DNAH11: variants seen among roughly 807,000 people sequenced by gnomAD.
DNAH11 encodes the protein dynein axonemal heavy chain 11.
Under a neutral mutation model 526.0 loss-of-function variants are expected in DNAH11, and 442 were observed. That is an observed-to-expected ratio of 0.84 (90% confidence interval 0.78 to 0.91). The LOEUF (loss-of-function observed/expected upper bound fraction) is 0.91, where lower values mean the gene tolerates loss of function less well. DNAH11 is among the 40% of genes least tolerant of loss of function. DNAH11 has a pLI of 0.00. For synonymous variants in DNAH11, 2,461 were observed against 1,935.9 expected (o/e 1.27, Z -7.12); for missense variants, 6,989 against 5,448.7 (o/e 1.28, Z -8.90).
chr7:21,815,257 A>C (rs1859104), intron 63 of DNAH11, among the ~76,000 whole-genome samples: 61,284 of 151,518 alleles, frequency 0.4, 13,187 homozygotes, highest in East Asian at 0.82. Flanking sequence ...GAAGGTAACA[A>C]ACTAAAGCAC....
chr7:21,812,419 A>T (rs1265515312), intron 63 of DNAH11, among the ~76,000 whole-genome samples: 1 of 152,094 alleles, frequency 6.6e-6, no homozygotes, highest in African/African-American at 2.4e-5. Flanking sequence ...CACGTCTCCC[A>T]GTGCTTTGGG....
chr7:21,636,442 T>G (rs1373024684), intron 26 of DNAH11, among the ~76,000 whole-genome samples: 1 of 152,164 alleles, frequency 6.6e-6, no homozygotes, highest in African/African-American at 2.4e-5. Flanking sequence ...TTTCACTGAT[T>G]TAAAAAGGTA....
Position 21,873,512 on chromosome 7 carries a change from G to A in DNAH11, c.12195+11G>A, listed in dbSNP as rs369874287. ...TACAACTTTGATCAGGTAAGAAAGC[G>A]AAGCAGGCTAGGCAGACAATGAAGT... On this transcript the variant is annotated intron_variant, in intron 74 of 81. Coordinates refer to ENST00000409508, the MANE Select transcript of DNAH11 (RefSeq NM_001277115.2). The A allele has an allele frequency of 6.3e-5, 102 of 1,612,716 alleles. No individual in the cohort carries two copies. In the African/African-American group the frequency reaches 9.3e-4, roughly 15 times the overall value.
chr7:21,727,065 C>T (rs1323445838), intron 45 of DNAH11, among the ~76,000 whole-genome samples: 1 of 148,340 alleles, frequency 6.7e-6, no homozygotes, highest in Non-Finnish European at 1.5e-5. Context: ...TCCCAAGTAG[C>T]TGGAACTACA....
chr7:21,570,229 C>A lies in DNAH11; in HGVS notation c.1355C>A (p.Pro452Gln). Residue 452 changes from proline to glutamine, a missense_variant, in exon 7 of 82, where the codon CCA becomes CAA. By Grantham distance (76) the Pro-to-Gln change is moderately conservative. Coordinates refer to ENST00000409508, the MANE Select transcript of DNAH11 (RefSeq NM_001277115.2). Reference sequence around the variant, plus strand: ...TACTTTATGGGAAGAAAGCTGAGACCATGGGATTTCCAGTCTCATCTGGTG... The same window carrying A: ...TACTTTATGGGAAGAAAGCTGAGACAATGGGATTTCCAGTCTCATCTGGTG... ...ASYFMGRKLR[P>Q]WDFQSHLVFC... 1 of 1,613,314 alleles carries A rather than the reference C, an allele frequency of 6.2e-7. No homozygotes were observed. The highest frequency in any genetic ancestry group is 8.5e-7 in the Non-Finnish European group (1 of 1,179,690).
At chr7:21,587,241 G>A (rs984475531) in intron 9 of DNAH11, among the ~76,000 whole-genome samples, 7 of 152,108 alleles carry the variant, frequency 4.6e-5, no homozygotes, top group East Asian at 3.9e-4. Context: ...TGTGAACACC[G>A]GCAGTGAAGG....
chr7:21,591,262 G>A lies in DNAH11; in HGVS notation c.2352G>A (p.Leu784=), dbSNP rs1465890970. 1 of 1,607,678 alleles carries A rather than the reference G, an allele frequency of 6.2e-7. No homozygotes were observed. Among genetic ancestry groups the A allele is most frequent in the Non-Finnish European group, 8.5e-7 (1 of 1,176,554 alleles). Residue 784 remains leucine (L), a synonymous_variant, in exon 14 of 82, where the codon CTG becomes CTA. Transcript: ENST00000409508. ...CGCTCCTGGAAGTTGAATACCCTCT[G>A]ATTGAAGATGAGCTGAGGGCTATTG... ...KQTLLEVEYP[L]IEDELRAIDE... is the part of the protein sequence containing the mutation.
intron 14 of DNAH11, among the ~76,000 whole-genome samples, chr7:21,593,515 G>A (rs771916586): frequency 6.6e-5 from 10 of 152,100 alleles, no homozygotes; most frequent in African/African-American, 1.2e-4. Context: ...ATGTTTGTAT[G>A]TTAACTGCAG....
chr7:21,750,012 C>A (rs761181220), intron 53 of DNAH11, among the ~76,000 whole-genome samples: 11 of 152,132 alleles, frequency 7.2e-5, no homozygotes, highest in Non-Finnish European at 1.3e-4. Context: ...GTTATTCTTA[C>A]ACGTACGGGT....
rs780256359 is a variant in DNAH11, at chr7:21,854,411, A to T, written c.11158A>T (p.Asn3720Tyr). 2.5e-5 allele frequency: 40 copies of T among 1,613,874 alleles called. 1 individual carries two copies. The South Asian group carries it at 4.4e-4, about 18-fold the overall frequency. The change falls in exon 68 of 82, where the codon AAT becomes TAT. Residue 3720 changes from asparagine (N) to tyrosine (Y), a missense_variant. By Grantham distance (143) the Asn-to-Tyr change is moderately radical. Transcript: ENST00000409508. Reference protein sequence around the residue: ...ARASLLYFVINDLQKINPLYQ... With the variant: ...ARASLLYFVIYDLQKINPLYQ... The stretch of plus-strand genomic sequence containing the variant: ...AGCATCTCTTCTTTATTTTGTTATT[A>T]ATGACCTCCAAAAAATCAACCCCCT...
rs905167931 is a variant in DNAH11, at chr7:21,704,448, A to G, written c.6288A>G (p.Ala2096=). 4 of 1,613,310 alleles carry G rather than the reference A, an allele frequency of 2.5e-6. No individual in the cohort carries two copies. The highest frequency in any genetic ancestry group is 1.7e-5 in the Admixed American group (1 of 59,914). ...TTTTTTTCTAGGTACTCATGAGAGC[A>G]TTAAGGGATTTCAATATGCCCAAAA... is the stretch of plus-strand genomic sequence containing the variant. The part of the protein sequence containing the change: ...NRPEDQVLMR[A]LRDFNMPKIV... Residue 2096 remains alanine, a synonymous_variant, in exon 38 of 82, where the codon GCA becomes GCG. Transcript: ENST00000409508.
intron 20 of DNAH11, among the ~76,000 whole-genome samples, chr7:21,612,938 T>C (rs1006438832): frequency 1.3e-5 from 2 of 152,214 alleles, no homozygotes; most frequent in African/African-American, 4.8e-5. Context: ...AAAAGAACTT[T>C]AGCTATCATT....
At chr7:21,894,192 G>T (rs1251941744) in intron 77 of DNAH11, among the ~76,000 whole-genome samples, 1 of 152,020 alleles carries the variant, frequency 6.6e-6, no homozygotes, top group Non-Finnish European at 1.5e-5. Flanking sequence ...CCCAGCCCCT[G>T]GTTTGTGTGG....
intron 79 of DNAH11, among the ~76,000 whole-genome samples, chr7:21,896,209 T>C (rs984200645): frequency 6.6e-5 from 10 of 152,240 alleles, no homozygotes; most frequent in African/African-American, 2.2e-4. Context: ...TTGCTCATCA[T>C]TGCTTTTTTT....
intron 8 of DNAH11, among the ~76,000 whole-genome samples, 165 bp downstream of exon 8, chr7:21,572,138 C>A (rs957036545): frequency 6.6e-6 from 1 of 152,120 alleles, no homozygotes; most frequent in Non-Finnish European, 1.5e-5. Flanking sequence ...GTTAGTAGAT[C>A]AGGGATCAGA....
chr7:21,599,986 T>C lies in DNAH11; in HGVS notation c.2867T>C (p.Val956Ala), dbSNP rs1255306000. The C allele has an allele frequency of 3.1e-6, 5 of 1,613,832 alleles. No homozygotes were observed. The highest frequency in any genetic ancestry group is 4.2e-6 in the Non-Finnish European group (5 of 1,179,840). The change falls in exon 15 of 82, where the codon GTG (valine) becomes GCG (alanine). Residue 956 changes from valine (V) to alanine (A), a missense_variant. Coordinates refer to ENST00000409508, the MANE Select transcript of DNAH11 (RefSeq NM_001277115.2). ...ATGATCTTGTTGCCTCCTGAGATTGTGTTTAAACCTTCCCTAGACAGAGAG... is the reference window on the plus strand; with the variant it reads ...ATGATCTTGTTGCCTCCTGAGATTGCGTTTAAACCTTCCCTAGACAGAGAG... ...AQMILLPPEI[V>A]FKPSLDREAG... is the part of the protein sequence containing the mutation.
rs1425440456 is a variant in DNAH11, at chr7:21,623,673, G to A, written c.4500+3595G>A. Among the ~76,000 whole-genome samples the A allele has an allele frequency of 3.3e-5, 5 of 152,056 alleles. No individual in the cohort carries two copies. The East Asian group carries it at 9.6e-4, about 29-fold the overall frequency. ...AGTTCATGTCCTTTGTAGGGACATG[G>A]ATGAAATTGGAAATCATCATTCTCA... is the stretch of plus-strand genomic sequence containing the variant. On this transcript the variant is annotated intron_variant, in intron 25 of 81. Transcript: ENST00000409508.
At position 21,601,610 on chromosome 7, in the gene DNAH11, C is replaced by A; in HGVS notation, c.3640C>A (p.Gln1214Lys). Residue 1214 changes from glutamine (Q) to lysine (K), a missense_variant, in exon 18 of 82, where the codon CAG (glutamine) becomes AAG (lysine). Gln to Lys is a moderately conservative substitution (Grantham distance 53). Transcript: ENST00000409508. ...GAAGATGCCTGAGCAGGTCTATATT[C>A]AGCTAGAGGTAAGTGCAGAGGTGAA... ...GQKMPEQVYIQLEELPERWET... is the reference protein window; with the variant it reads ...GQKMPEQVYIKLEELPERWET... The A allele has an allele frequency of 1.3e-6, 2 of 1,573,286 alleles. No individual in the cohort carries two copies. Among genetic ancestry groups the A allele is most frequent in the Non-Finnish European group, 1.7e-6 (2 of 1,155,842 alleles).
Position 21,773,951 on chromosome 7 carries a change from A to G in DNAH11, c.9288A>G (p.Lys3096=). ...AGCAAAATGAGGTATCCGAGAAAAAAGAACGCCTGGTGAACGGCATCCAAA... is the reference window on the plus strand; with the variant it reads ...AGCAAAATGAGGTATCCGAGAAAAAGGAACGCCTGGTGAACGGCATCCAAA... ...KKKQNEVSEK[K]ERLVNGIQKL... Residue 3096 remains lysine (K), a synonymous_variant, in exon 56 of 82, where the codon AAA becomes AAG. Transcript: ENST00000409508. 1.3e-6 allele frequency: 2 copies of G among 1,586,874 alleles called. No individual in the cohort carries two copies. Among genetic ancestry groups the G allele is most frequent in the South Asian group, 2.3e-5 (2 of 86,598 alleles).
Sources: gnomAD v4.1 joint callset for allele counts (sites outside exome capture counted in the v4.1 genomes callset) on GRCh38, gnomAD v4.1.1 for gene constraint, MANE v1.5 for transcripts, NCBI Gene and HGNC (gene_info 2026-07-23, HGNC 2026-07-21) for gene names.